FN1: variants seen among roughly 807,000 people sequenced by gnomAD.
FN1 encodes the protein fibronectin 1.
In FN1, 106 loss-of-function variants were observed where a neutral mutation model predicts 297.3. The observed-to-expected ratio is 0.36, with a 90% CI of 0.30 to 0.42. The LOEUF is 0.42. Among genes scored for constraint, FN1 ranks in the 10% least tolerant of loss-of-function variants. FN1 has a pLI of 1.00. For synonymous variants in FN1, 1,149 were observed against 1,152.6 expected (o/e 1.00, Z 0.06); for missense variants, 2,690 against 3,124.9 (o/e 0.86, Z 3.32).
chr2:215,382,090 A>G, intron 32 of FN1, 122 bp downstream of exon 32: 1 of 708,266 alleles, frequency 1.4e-6, no homozygotes, highest in Non-Finnish European at 2.6e-6. Flanking sequence ...TCAGCTCAAG[A>G]CATAAACTAA....
intron 38 of FN1, 28 bp downstream of exon 38, chr2:215,375,186 G>GA: frequency 6.2e-7 from 1 of 1,611,572 alleles, no homozygotes; most frequent in Non-Finnish European, 8.5e-7. Flanking sequence ...TAGTAAGAAG[G>GA]AAAATGACAG....
At chr2:215,417,323 A>G (rs912961017) in intron 12 of FN1, among the ~76,000 whole-genome samples, 2 of 152,212 alleles carry the variant, frequency 1.3e-5, no homozygotes, top group African/African-American at 2.4e-5. Flanking sequence ...GAGATAGTAC[A>G]ATGTCTACAC....
chr2:215,424,100 A>C, intron 8 of FN1, 46 bp downstream of exon 8: 1 of 1,567,726 alleles, frequency 6.4e-7, no homozygotes, highest in Non-Finnish European at 8.8e-7. Context: ...CTAGGGCATG[A>C]AAGTGAGTTT....
intron 39 of FN1, 137 bp downstream of exon 39, chr2:215,373,185 A>G (rs1276215339): frequency 1.4e-5 from 10 of 700,584 alleles, no homozygotes; most frequent in East Asian, 5.8e-5. Context: ...AGAATACAAT[A>G]TATACACTAT....
At chr2:215,435,231 C>T (rs1213306577) in intron 1 of FN1, among the ~76,000 whole-genome samples, 6 of 152,136 alleles carry the variant, frequency 3.9e-5, no homozygotes, top group Admixed American at 3.9e-4. Context: ...AGAAACAAGA[C>T]AGCTATTTCA....
At chr2:215,417,272 ATAAAC>A (rs1480008513) in intron 12 of FN1, among the ~76,000 whole-genome samples, 1 of 152,214 alleles carries the variant, frequency 6.6e-6, no homozygotes, top group Non-Finnish European at 1.5e-5. Flanking sequence ...TTCAATATGA[ATAAAC>A]TAACAATAAA....
chr2:215,422,345 T>G lies in FN1; in HGVS notation c.1394-102A>C, dbSNP rs1203185473. The G allele has an allele frequency of 2.6e-6, 3 of 1,169,496 alleles. No homozygotes were observed. The African/African-American group carries it at 4.5e-5, about 18-fold the overall frequency. The allele number at this position is 1,169,496 out of a possible 1,614,324, so 72.4% of individuals were successfully genotyped here. A position where few individuals can be genotyped will look rare whatever the true frequency, so the allele number is the denominator to read the frequency against. ...TTCAGTTTGGTCATCCTAAGAATTC[T>G]CACTTGGGAAGAAGCTTTGTGTGCA... On this transcript the variant is annotated intron_variant, in intron 9 of 45. Transcript: ENST00000354785.
At chr2:215,392,770 G>T in intron 25 of FN1, 161 bp downstream of exon 25, 1 of 742,260 alleles carries the variant, frequency 1.3e-6, no homozygotes, top group Non-Finnish European at 2.3e-6. Context: ...TCTCCAATCA[G>T]TTTAGCAGAT....
chr2:215,371,320 A>G (rs2106235863), intron 40 of FN1, among the ~76,000 whole-genome samples: 1 of 152,042 alleles, frequency 6.6e-6, no homozygotes, highest in East Asian at 1.9e-4. Flanking sequence ...TATACGTTTT[A>G]GAGAATCAAT....
chr2:215,393,811 C>G (rs2059993749), intron 24 of FN1: 1 of 152,886 alleles, frequency 6.5e-6, no homozygotes, highest in Non-Finnish European at 1.5e-5. Flanking sequence ...TATTTTAGTT[C>G]ATTCATAATC....
chr2:215,413,715 T>C (rs531018375), intron 13 of FN1, among the ~76,000 whole-genome samples: 1 of 152,230 alleles, frequency 6.6e-6, no homozygotes, highest in African/African-American at 2.4e-5. Context: ...TATTTCACTC[T>C]TGTTTTTCTG....
At chr2:215,434,035 G>C (rs997381294) in intron 2 of FN1, among the ~76,000 whole-genome samples, 1 of 152,354 alleles carries the variant, frequency 6.6e-6, no homozygotes, top group Non-Finnish European at 1.5e-5. Context: ...CCTGGAGGCA[G>C]AGGTTGCAGT....
At chr2:215,404,729 TTGAA>T in intron 19 of FN1, 74 bp from the exon 20 acceptor site, 1 of 1,353,080 alleles carries the variant, frequency 7.4e-7, no homozygotes, top group Non-Finnish European at 1.1e-6. Context: ...TGAAACTTGA[TTGAA>T]TGTCTAAGTT....
At chr2:215,375,129 T>G (rs551501264) in intron 38 of FN1, 85 bp downstream of exon 38, 1 of 1,297,586 alleles carries the variant, frequency 7.7e-7, no homozygotes, top group African/African-American at 1.5e-5. Flanking sequence ...CATGACACAG[T>G]ATCAAAGACG....
Position 215,399,371 on chromosome 2 carries a change from C to CACATA in FN1, c.3254-25_3254-21dup. On this transcript the variant is annotated intron_variant, in intron 20 of 45. Coordinates refer to ENST00000354785, the MANE Select transcript of FN1 (RefSeq NM_212482.4). ...GCTGCACTGTGAGAGAGAATCAATG[C>CACATA]ACATATTCAAAACTCAAACTCACAG... The CACATA allele has an allele frequency of 6.5e-7, 1 of 1,542,452 alleles. No individual in the cohort carries two copies. Among genetic ancestry groups the CACATA allele is most frequent in the Non-Finnish European group, 9.0e-7 (1 of 1,114,754 alleles).
intron 12 of FN1, among the ~76,000 whole-genome samples, chr2:215,418,739 T>C (rs1023971339): frequency 3.3e-5 from 5 of 152,202 alleles, no homozygotes; most frequent in Non-Finnish European, 5.9e-5. Flanking sequence ...TACTCAACCC[T>C]TGGCCCAACA....
At chr2:215,362,272 TA>T in intron 44 of FN1, 193 bp from the exon 45 acceptor site, 1 of 608,330 alleles carries the variant, frequency 1.6e-6, no homozygotes, top group Admixed American at 2.4e-5. Flanking sequence ...TACCATATCT[TA>T]TACCTACATC....
intron 12 of FN1, among the ~76,000 whole-genome samples, chr2:215,418,632 A>G (rs1050466603): frequency 1.3e-5 from 2 of 152,214 alleles, no homozygotes; most frequent in South Asian, 2.1e-4. Context: ...TGAACTAATT[A>G]CACCTACAGC....
At chr2:215,407,343 TA>T in intron 17 of FN1, 22 bp from the exon 18 acceptor site, 1 of 1,589,114 alleles carries the variant, frequency 6.3e-7, no homozygotes, top group Non-Finnish European at 8.6e-7. Context: ...TGAGCAAAAG[TA>T]AGATGCACTG....
Sources: gnomAD v4.1 joint callset for allele counts (sites outside exome capture counted in the v4.1 genomes callset) on GRCh38, gnomAD v4.1.1 for gene constraint, MANE v1.5 for transcripts, NCBI Gene and HGNC (gene_info 2026-07-23, HGNC 2026-07-21) for gene names.